SCUBE1: variants seen among roughly 807,000 people sequenced by gnomAD.
SCUBE1 encodes signal peptide, CUB domain and EGF like domain containing 1.
SCUBE1 carries 59 observed loss-of-function variants against 124.4 expected under a neutral mutation model. That is an observed-to-expected ratio of 0.47 (90% CI 0.38 to 0.59). The LOEUF is 0.59. Ranked by LOEUF, SCUBE1 falls within the 20% of genes least tolerant of loss-of-function variation. The pLI is 0.00. For synonymous variants in SCUBE1, 545 were observed against 550.9 expected (o/e 0.99, Z 0.15); for missense variants, 1,150 against 1,371.2 (o/e 0.84, Z 2.55).
intron 12 of SCUBE1, 29 bp downstream of exon 12, chr22:43,222,609 A>C: frequency 6.7e-7 from 1 of 1,482,128 alleles, no homozygotes; most frequent in Non-Finnish European, 9.0e-7. Context: ...ACCCAGTGGC[A>C]TGCAGCATGG....
chr22:43,237,073 C>G (rs546838830), intron 7 of SCUBE1, among the ~76,000 whole-genome samples: 1 of 141,748 alleles, frequency 7.1e-6, no homozygotes, highest in Non-Finnish European at 1.5e-5. Flanking sequence ...GAAAGGGCCC[C>G]GACCGCTTGA....
At chr22:43,300,312 A>G (rs77802462) in intron 3 of SCUBE1, among the ~76,000 whole-genome samples, 6 of 147,520 alleles carry the variant, frequency 4.1e-5, no homozygotes, top group African/African-American at 1.5e-4. Flanking sequence ...TTTTTTTTTA[A>G]CAGCCATCCT....
intron 16 of SCUBE1, 45 bp downstream of exon 16, chr22:43,214,045 C>CGGGG: frequency 2.2e-6 from 1 of 457,528 alleles, no homozygotes; most frequent in Non-Finnish European, 3.8e-6. Context: ...GGAGGAGCCC[C>CGGGG]CGCCCACCCC....
intron 4 of SCUBE1, among the ~76,000 whole-genome samples, chr22:43,272,094 G>T (rs1161608386): frequency 2.0e-5 from 3 of 152,162 alleles, no homozygotes; most frequent in South Asian, 2.1e-4. Flanking sequence ...TACCCACTTG[G>T]CAGCCTGGAC....
chr22:43,227,435 G>A lies in SCUBE1; in HGVS notation c.1146C>T (p.Gly382=). Residue 382 remains glycine (G), a synonymous_variant, in exon 10 of 22, where the codon GGC becomes GGT. Coordinates refer to ENST00000360835, the MANE Select transcript of SCUBE1 (RefSeq NM_173050.5). ...CCGGGGGACAGACGCACTCGTAGCT[G>A]CCCTTGGTGTTGACGCAGCCCTGGT... ...SCDQGCVNTK[G]SYECVCPPGR... 1.2e-6 allele frequency: 2 copies of A among 1,613,254 alleles called. No homozygotes were observed. The highest frequency in any genetic ancestry group is 1.3e-5 in the African/African-American group (1 of 75,046).
intron 5 of SCUBE1, among the ~76,000 whole-genome samples, chr22:43,260,305 C>A (rs922774091): frequency 6.6e-6 from 1 of 152,200 alleles, no homozygotes; most frequent in Admixed American, 6.5e-5. Context: ...CCCCAAAGGT[C>A]GAGCCTTCGA....
Position 43,207,540 on chromosome 22 carries a change from A to G in SCUBE1, c.2808T>C (p.Ile936=). The G allele has an allele frequency of 1.9e-6, 3 of 1,613,192 alleles. No individual in the cohort carries two copies. Among genetic ancestry groups the G allele is most frequent in the Non-Finnish European group, 2.5e-6 (3 of 1,179,244 alleles). ...TTCCAATAAACTCACTCACTTTCAA[A>G]ATTTCCTGGTGGTTCTCCGAGGCGT... ...RLYASENHQE[I]LKDKKLIKAL... Residue 936 remains isoleucine (I), a synonymous_variant, in exon 21 of 22, where the codon ATT becomes ATC. Coordinates refer to ENST00000360835, the MANE Select transcript of SCUBE1 (RefSeq NM_173050.5).
At position 43,255,423 on chromosome 22, in the gene SCUBE1, GAC is replaced by G. The variant is rs1923619757; in HGVS notation, c.727+2794_727+2795del. On this transcript the variant is annotated intron_variant, in intron 6 of 21. Transcript: ENST00000360835. The surrounding 1 kb of genome is among the most constrained non-coding windows in gnomAD (Gnocchi z 4.7). ...TGTCCACATGCCAGTGCGCACCCGA[GAC>G]ACACATGTGCACACACACACACAAG... 7.2e-7 allele frequency: 1 copy of G among 1,397,018 alleles called. No individual in the cohort carries two copies. The allele number at this position is 1,397,018 out of a possible 1,614,324, so 86.5% of individuals were successfully genotyped here. A position where few individuals can be genotyped will look rare whatever the true frequency, so the allele number is the denominator to read the frequency against.
At chr22:43,212,308 C>T in intron 17 of SCUBE1, 117 bp downstream of exon 17, 1 of 1,190,640 alleles carries the variant, frequency 8.4e-7, no homozygotes, top group Non-Finnish European at 1.2e-6. Flanking sequence ...CCAGGCTCCT[C>T]CTCTGAGCTG....
At chr22:43,269,948 GC>G (rs1217163448) in intron 4 of SCUBE1, among the ~76,000 whole-genome samples, 5 of 152,120 alleles carry the variant, frequency 3.3e-5, no homozygotes, top group African/African-American at 1.2e-4. Flanking sequence ...GGCTGCCTGT[GC>G]GCCAGGCCTA....
rs1488100097 is a variant in SCUBE1 at position 43,222,524 on chromosome 22, G to C, written c.1432+114C>G. On this transcript the variant is annotated intron_variant, in intron 12 of 21. Transcript: ENST00000360835. ...AGCACCCCAGGCCACACGGAGCAGGGCCGAGAGCAGGAAGGTCTTCCCTGG... is the reference window on the plus strand; with the variant it reads ...AGCACCCCAGGCCACACGGAGCAGGCCCGAGAGCAGGAAGGTCTTCCCTGG... 7.5e-6 allele frequency: 6 copies of C among 804,890 alleles called. No homozygotes were observed. The African/African-American group carries it at 1.0e-4, about 14-fold the overall frequency. 49.9% of individuals were successfully genotyped at this position (804,890 alleles called of 1,614,324 possible). A position where few individuals can be genotyped will look rare whatever the true frequency, so the allele number is the denominator to read the frequency against.
At chr22:43,232,100 G>A in intron 7 of SCUBE1, 3 of 557,748 alleles carry the variant, frequency 5.4e-6, no homozygotes, top group East Asian at 2.9e-5. Context: ...AGCTCCCCAA[G>A]CTTCACCACT....
chr22:43,251,763 T>C lies in SCUBE1; in HGVS notation c.727+6456A>G, dbSNP rs147588257. On this transcript the variant is annotated intron_variant, in intron 6 of 21. Transcript: ENST00000360835. The stretch of plus-strand genomic sequence containing the variant: ...GGTCAAATTTCTGACCTACAGAAGA[T>C]AATAAACGTGCGTCGTCTTAAGCAA... Among the ~76,000 whole-genome samples, 123 of 152,344 alleles carry C rather than the reference T, an allele frequency of 8.1e-4. 1 individual carries two copies. In the East Asian group the frequency reaches 0.019, roughly 24 times the overall value.
Position 43,267,932 on chromosome 22 carries a change from G to A in SCUBE1, c.485-5087C>T, listed in dbSNP as rs141666899. ...GGGGAAAAGGTGAACCCTGAGGCACGTGAGGTGCTGGGTTCCAAGCCCTTC... is the reference window on the plus strand; with the variant it reads ...GGGGAAAAGGTGAACCCTGAGGCACATGAGGTGCTGGGTTCCAAGCCCTTC... On this transcript the variant is annotated intron_variant, in intron 4 of 21. Coordinates refer to ENST00000360835, the MANE Select transcript of SCUBE1 (RefSeq NM_173050.5). Among the ~76,000 whole-genome samples the A allele has an allele frequency of 2.5e-3, 377 of 152,354 alleles. 2 individuals are homozygous for A. The highest frequency in any genetic ancestry group is 7.6e-3 in the African/African-American group (318 of 41,580).
intron 3 of SCUBE1, among the ~76,000 whole-genome samples, chr22:43,292,468 T>C (rs961847892): frequency 1.3e-5 from 2 of 152,080 alleles, no homozygotes; most frequent in African/African-American, 4.8e-5. Context: ...TAATGTTCCA[T>C]GTCTGTATTG....
chr22:43,342,352 G>T (rs56007281), intron 1 of SCUBE1, among the ~76,000 whole-genome samples: 1 of 151,580 alleles, frequency 6.6e-6, no homozygotes, highest in African/African-American at 2.4e-5. Flanking sequence ...CCGACGTCCC[G>T]CGTCCGGACT....
chr22:43,297,434 C>T (rs920810266), intron 3 of SCUBE1, among the ~76,000 whole-genome samples: 6 of 152,248 alleles, frequency 3.9e-5, no homozygotes, highest in East Asian at 1.9e-4. Flanking sequence ...CTCTGGAGGC[C>T]GGGGTGGCGG....
intron 9 of SCUBE1, among the ~76,000 whole-genome samples, chr22:43,228,401 C>G (rs1043177125): frequency 6.6e-6 from 1 of 152,226 alleles, no homozygotes; most frequent in Non-Finnish European, 1.5e-5. Context: ...TTCCACTCTC[C>G]TTTCCATGTG....
At position 43,258,599 on chromosome 22, in the gene SCUBE1, G is replaced by A. The variant is rs1923756451; in HGVS notation, c.611-264C>T. Among the ~76,000 whole-genome samples, 1 of 152,222 alleles carries A rather than the reference G, an allele frequency of 6.6e-6. No homozygotes were observed. Among genetic ancestry groups the A allele is most frequent in the Non-Finnish European group, 1.5e-5 (1 of 68,038 alleles). ...GGTCGTCTGGGCTTTGATCAGAGCAGGCACAGAGGTGATGCGCTCAGATGG... is the reference window on the plus strand; with the variant it reads ...GGTCGTCTGGGCTTTGATCAGAGCAAGCACAGAGGTGATGCGCTCAGATGG... On this transcript the variant is annotated intron_variant, in intron 5 of 21. Coordinates refer to ENST00000360835, the MANE Select transcript of SCUBE1 (RefSeq NM_173050.5). The surrounding 1 kb of genome is among the most constrained non-coding windows in gnomAD (Gnocchi z 5.0).
Sources: gnomAD v4.1 joint callset for allele counts (sites outside exome capture counted in the v4.1 genomes callset) on GRCh38, gnomAD v4.1.1 for gene constraint, Gnocchi (gnomAD v3.1) non-coding constraint, MANE v1.5 for transcripts, NCBI Gene and HGNC (gene_info 2026-07-23, HGNC 2026-07-21) for gene names.